CACNA2D1: variants seen among roughly 807,000 people sequenced by gnomAD.
CACNA2D1 encodes calcium voltage-gated channel auxiliary subunit alpha2delta 1.
In CACNA2D1, 53 loss-of-function variants were observed where a neutral mutation model predicts 171.5. That is an observed-to-expected ratio of 0.31 (90% CI 0.25 to 0.39). The LOEUF (loss-of-function observed/expected upper bound fraction) is 0.39. CACNA2D1 is among the 10% of genes least tolerant of loss of function. The probability of loss-of-function intolerance (pLI) is 1.00; values close to 1 mark genes in which losing one functional copy is unlikely to be tolerated. For synonymous variants in CACNA2D1, 442 were observed against 443.1 expected (o/e 1.00, Z 0.03); for missense variants, 903 against 1,299.8 (o/e 0.69, Z 4.69).
chr7:82,200,657 CT>C (rs1799320026), intron 3 of CACNA2D1, among the ~76,000 whole-genome samples: 1 of 152,058 alleles, frequency 6.6e-6, no homozygotes, highest in African/African-American at 2.4e-5. Context: ...ATATTTTACT[CT>C]TTTTGTCAAG....
At chr7:81,951,998 A>T (rs1245926049) in intron 38 of CACNA2D1, among the ~76,000 whole-genome samples, 1 of 71,790 alleles carries the variant, frequency 1.4e-5, no homozygotes, top group Non-Finnish European at 2.7e-5. Context: ...TTTTAACCAC[A>T]TCCATTATTT....
chr7:82,067,091 A>G (rs909119172), intron 7 of CACNA2D1, among the ~76,000 whole-genome samples: 1 of 152,118 alleles, frequency 6.6e-6, no homozygotes, highest in Non-Finnish European at 1.5e-5. Flanking sequence ...AGATTCAACA[A>G]TCTTGTATGA....
chr7:81,950,359 G>A lies in CACNA2D1; in HGVS notation c.*33C>T. 6.2e-7 allele frequency: 1 copy of A among 1,612,772 alleles called. No homozygotes were observed. The highest frequency in any genetic ancestry group is 8.5e-7 in the Non-Finnish European group (1 of 1,179,216). ...AGGGCTCATGTTTTGGCAGGGTCTGGAGTTTAACTATGCAGATTTGGTTTT... is the reference window on the plus strand; with the variant it reads ...AGGGCTCATGTTTTGGCAGGGTCTGAAGTTTAACTATGCAGATTTGGTTTT... On this transcript the variant is annotated 3_prime_UTR_variant, in exon 39 of 39. Coordinates refer to ENST00000356860, the MANE Select transcript of CACNA2D1 (RefSeq NM_000722.4).
chr7:82,434,907 T>A (rs1487468155), intron 1 of CACNA2D1, among the ~76,000 whole-genome samples: 1 of 152,110 alleles, frequency 6.6e-6, no homozygotes, highest in East Asian at 1.9e-4. Context: ...AGGCCCTTCT[T>A]TTGAAACTCA....
chr7:82,427,327 C>T (rs1206579526), intron 1 of CACNA2D1, among the ~76,000 whole-genome samples: 1 of 152,094 alleles, frequency 6.6e-6, no homozygotes, highest in African/African-American at 2.4e-5. Flanking sequence ...TGGGAGTGCT[C>T]AAGTACCAAG....
chr7:82,428,529 C>T (rs1829399118), intron 1 of CACNA2D1, among the ~76,000 whole-genome samples: 1 of 152,108 alleles, frequency 6.6e-6, no homozygotes, highest in African/African-American at 2.4e-5. Context: ...GTAGTCTTTA[C>T]TAATCTCCAT....
intron 12 of CACNA2D1, among the ~76,000 whole-genome samples, chr7:82,016,552 CAT>C (rs917443246): frequency 4.0e-5 from 6 of 151,114 alleles, no homozygotes; most frequent in African/African-American, 4.9e-5. Flanking sequence ...CAGATCCACA[CAT>C]ATGATTATTT....
chr7:82,162,884 T>C (rs1253630779), intron 4 of CACNA2D1, among the ~76,000 whole-genome samples: 1 of 152,014 alleles, frequency 6.6e-6, no homozygotes, highest in Non-Finnish European at 1.5e-5. Context: ...CCCATGCCTA[T>C]ATTAATCATC....
At position 81,959,706 on chromosome 7, in the gene CACNA2D1, A is replaced by C. The variant is rs749882534; in HGVS notation, c.3076+14T>G. 3.7e-6 allele frequency: 6 copies of C among 1,609,160 alleles called. No individual in the cohort carries two copies. The Admixed American group carries it at 6.7e-5, about 18-fold the overall frequency. On this transcript the variant is annotated intron_variant, in intron 37 of 38. Transcript: ENST00000356860. ...TGGTTTTCCTTTCCAGATAGCTCTG[A>C]TGTCAAAGGATACAAGTCTGCTCCG...
intron 1 of CACNA2D1, among the ~76,000 whole-genome samples, chr7:82,392,418 G>A (rs4732458): frequency 0.012 from 1,770 of 152,200 alleles, 60 homozygotes; most frequent in East Asian, 0.071. Flanking sequence ...TTCAGTTGTC[G>A]GAGTAACCTC....
intron 3 of CACNA2D1, among the ~76,000 whole-genome samples, chr7:82,203,451 C>T (rs1478838132): frequency 1.6e-4 from 24 of 152,136 alleles, no homozygotes. Context: ...AGCATAGCCC[C>T]ACCATATGTC....
chr7:82,161,169 T>C (rs1267832610), intron 4 of CACNA2D1, among the ~76,000 whole-genome samples: 1 of 152,032 alleles, frequency 6.6e-6, no homozygotes, highest in African/African-American at 2.4e-5. Context: ...TTTGTTGAGA[T>C]TTTTCTTTGT....
chr7:82,000,870 C>T (rs565075043), intron 18 of CACNA2D1, among the ~76,000 whole-genome samples: 318 of 131,458 alleles, frequency 2.4e-3, no homozygotes, highest in Non-Finnish European at 4.0e-3. Flanking sequence ...ACCTTGTGAT[C>T]GGCCCTCCTC....
intron 4 of CACNA2D1, among the ~76,000 whole-genome samples, chr7:82,138,252 A>G (rs756150422): frequency 4.6e-5 from 7 of 152,146 alleles, no homozygotes; most frequent in Non-Finnish European, 8.8e-5. Flanking sequence ...CAAACCAAAA[A>G]TGATATAAAT....
intron 3 of CACNA2D1, among the ~76,000 whole-genome samples, chr7:82,246,463 G>A (rs1361798780): frequency 6.6e-6 from 1 of 152,036 alleles, no homozygotes; most frequent in African/African-American, 2.4e-5. Context: ...AACATTTTTG[G>A]AAGTGCATGA....
intron 3 of CACNA2D1, among the ~76,000 whole-genome samples, chr7:82,268,397 T>A (rs199880438): frequency 6.6e-6 from 1 of 152,098 alleles, no homozygotes; most frequent in Non-Finnish European, 1.5e-5. Flanking sequence ...CAAAAATAAA[T>A]AAAACAGCCA....
chr7:82,108,779 A>G (rs1788045347), intron 6 of CACNA2D1, among the ~76,000 whole-genome samples: 1 of 152,188 alleles, frequency 6.6e-6, no homozygotes, highest in Non-Finnish European at 1.5e-5. Context: ...TCTTTACCTC[A>G]GAAGTAGAAT....
intron 5 of CACNA2D1, among the ~76,000 whole-genome samples, chr7:82,121,187 G>A (rs559161176): frequency 5.3e-5 from 8 of 152,158 alleles, no homozygotes; most frequent in African/African-American, 1.9e-4. Flanking sequence ...GAGCTGCTGG[G>A]ACTACAGGTG....
chr7:82,008,495 CA>C (rs1322646730), intron 15 of CACNA2D1, among the ~76,000 whole-genome samples: 1 of 152,088 alleles, frequency 6.6e-6, no homozygotes, highest in Non-Finnish European at 1.5e-5. Flanking sequence ...TGAATCCATA[CA>C]GATTAGTCAA....
Sources: gnomAD v4.1 joint callset for allele counts (sites outside exome capture counted in the v4.1 genomes callset) on GRCh38, gnomAD v4.1.1 for gene constraint, MANE v1.5 for transcripts, NCBI Gene and HGNC (gene_info 2026-07-23, HGNC 2026-07-21) for gene names.